PCDH15: variants seen among roughly 807,000 people sequenced by gnomAD.
PCDH15 encodes the protein protocadherin-15.
A neutral mutation model predicts 178.5 loss-of-function variants in PCDH15; 129 were observed. The ratio of observed to expected loss-of-function variants is 0.72; its 90% confidence interval spans 0.63 to 0.84. The LOEUF is 0.84. Ranked by LOEUF, PCDH15 falls within the 40% of genes least tolerant of loss-of-function variation. The pLI, the probability that PCDH15 is intolerant of heterozygous loss-of-function variation, is 0.00. For missense variants in PCDH15, 2,230 were observed against 2,099.9 expected (o/e 1.06, Z -1.21); for synonymous variants, 800 against 732.0 (o/e 1.09, Z -1.50).
At chr10:54,017,421 A>AG (rs753459391) in intron 20 of PCDH15, among the ~76,000 whole-genome samples, 4 of 152,326 alleles carry the variant, frequency 2.6e-5, no homozygotes, top group African/African-American at 9.6e-5. Flanking sequence ...GATAAATACA[A>AG]GGGGGTACAT....
chr10:54,675,813 T>G (rs1044518145), intron 1 of PCDH15, among the ~76,000 whole-genome samples: 1 of 152,162 alleles, frequency 6.6e-6, no homozygotes, highest in African/African-American at 2.4e-5. Flanking sequence ...ATCCCAGCTT[T>G]TTATCCCGGA....
At chr10:54,856,616 T>C (rs894110057) in intron 3 of PCDH15, among the ~76,000 whole-genome samples, 4 of 152,212 alleles carry the variant, frequency 2.6e-5, no homozygotes, top group Admixed American at 1.3e-4. Context: ...TACTGATCTC[T>C]ATGTATTGAC....
intron 8 of PCDH15, among the ~76,000 whole-genome samples, chr10:54,249,309 A>G (rs1283135788): frequency 6.6e-6 from 1 of 152,148 alleles, no homozygotes; most frequent in African/African-American, 2.4e-5. Flanking sequence ...CACTAATGTC[A>G]TAATTTATAA....
intron 2 of PCDH15, among the ~76,000 whole-genome samples, chr10:54,581,328 A>G (rs940241158): frequency 1.1e-4 from 16 of 152,134 alleles, no homozygotes; most frequent in African/African-American, 3.6e-4. Context: ...ACACAATCAC[A>G]TTTACAATAC....
intron 8 of PCDH15, among the ~76,000 whole-genome samples, chr10:54,281,427 CT>C (rs2058699112): frequency 6.6e-6 from 1 of 151,900 alleles, no homozygotes; most frequent in Admixed American, 6.6e-5. Context: ...TTATTTTTTG[CT>C]TTGTTTTTTG....
At chr10:54,667,828 G>T (rs1368326154) in intron 1 of PCDH15, among the ~76,000 whole-genome samples, 1 of 151,846 alleles carries the variant, frequency 6.6e-6, no homozygotes, top group Admixed American at 6.6e-5. Context: ...TAATTAAATT[G>T]GTGTATTCAG....
intron 2 of PCDH15, among the ~76,000 whole-genome samples, chr10:55,449,227 C>T (rs1014497279): frequency 2.0e-5 from 3 of 151,998 alleles, no homozygotes; most frequent in Admixed American, 2.0e-4. Context: ...TGGCTTGCTG[C>T]CTATTCTGTC....
intron 25 of PCDH15, among the ~76,000 whole-genome samples, chr10:53,916,938 GA>G (rs5785027): frequency 0.7 from 105,505 of 151,060 alleles, 37,241 homozygotes; most frequent in East Asian, 1. Flanking sequence ...ATACCAGAAG[GA>G]AAAAAAAATA....
intron 2 of PCDH15, among the ~76,000 whole-genome samples, chr10:55,420,571 T>C (rs1234125226): frequency 1.3e-5 from 2 of 151,690 alleles, no homozygotes; most frequent in Admixed American, 1.3e-4. Context: ...GCTATTTTGC[T>C]TTGTCTTATT....
chr10:55,547,056 A>C (rs1841900128), intron 2 of PCDH15, among the ~76,000 whole-genome samples: 1 of 152,152 alleles, frequency 6.6e-6, no homozygotes, highest in South Asian at 2.1e-4. Context: ...AGAACAAAGA[A>C]TACCCATTAG....
At chr10:54,213,788 C>T (rs1028721534) in intron 10 of PCDH15, 148 bp downstream of exon 10, 11 of 552,838 alleles carry the variant, frequency 2.0e-5, no homozygotes, top group East Asian at 9.8e-5. Flanking sequence ...AAGTGGGCTT[C>T]GCTTATTTTC....
At chr10:54,332,541 T>C (rs1940053914) in intron 6 of PCDH15, among the ~76,000 whole-genome samples, 1 of 150,584 alleles carries the variant, frequency 6.6e-6, no homozygotes, top group Admixed American at 6.8e-5. Flanking sequence ...CCATCACTTA[T>C]TTCTCTGTGT....
intron 8 of PCDH15, among the ~76,000 whole-genome samples, chr10:54,267,659 C>T (rs912320691): frequency 2.6e-5 from 4 of 151,740 alleles, no homozygotes; most frequent in Non-Finnish European, 5.9e-5. Flanking sequence ...ATCAAGAACA[C>T]AATCCCATTT....
intron 10 of PCDH15, among the ~76,000 whole-genome samples, chr10:54,200,054 G>A (rs534535158): frequency 1.3e-5 from 2 of 152,144 alleles, no homozygotes; most frequent in African/African-American, 4.8e-5. Flanking sequence ...TTGTAACGGA[G>A]GACTGAGACT....
chr10:54,412,357 GC>G (rs1953659130), intron 3 of PCDH15, among the ~76,000 whole-genome samples: 1 of 151,752 alleles, frequency 6.6e-6, no homozygotes, highest in East Asian at 1.9e-4. Flanking sequence ...CTTTAAAATA[GC>G]TTTTGCAAGA....
intron 3 of PCDH15, among the ~76,000 whole-genome samples, chr10:54,425,619 G>T (rs192334289): frequency 6.6e-6 from 1 of 152,080 alleles, no homozygotes; most frequent in Non-Finnish European, 1.5e-5. Context: ...TTTTTTTATA[G>T]ATTCAAAATA....
chr10:54,405,024 A>G (rs569184651), intron 3 of PCDH15, among the ~76,000 whole-genome samples: 1 of 152,090 alleles, frequency 6.6e-6, no homozygotes, highest in Non-Finnish European at 1.5e-5. Context: ...GAGGTTGCAG[A>G]AAAAAAGCAA....
chr10:54,666,412 T>C (rs968707318), intron 1 of PCDH15, among the ~76,000 whole-genome samples: 4 of 152,134 alleles, frequency 2.6e-5, no homozygotes, highest in African/African-American at 9.6e-5. Flanking sequence ...AGAAAAGTAT[T>C]GGAAAAATTC....
At chr10:55,548,760 C>T (rs143588027) in intron 2 of PCDH15, among the ~76,000 whole-genome samples, 104 of 152,042 alleles carry the variant, frequency 6.8e-4, no homozygotes, top group African/African-American at 1.9e-3. Flanking sequence ...TAAAATGTAC[C>T]ATGGGAAGTG....
Sources: gnomAD v4.1 joint callset for allele counts (sites outside exome capture counted in the v4.1 genomes callset) on GRCh38, gnomAD v4.1.1 for gene constraint, MANE v1.5 for transcripts, NCBI Gene and HGNC (gene_info 2026-07-23, HGNC 2026-07-21) for gene names.